Variants in NSMAF observed in about 807,000 individuals in gnomAD.
NSMAF encodes neutral sphingomyelinase activation associated factor, also known as protein FAN.
Under a neutral mutation model 134.9 loss-of-function variants are expected in NSMAF, and 90 were observed. That is an observed-to-expected ratio of 0.67 (90% CI 0.56 to 0.79). NSMAF has a LOEUF of 0.79. Ranked by LOEUF, NSMAF falls within the 30% of genes least tolerant of loss-of-function variation. The pLI is 0.00. For synonymous variants in NSMAF, 358 were observed against 389.6 expected, an observed-to-expected ratio of 0.92 and a Z score of 0.96; for missense variants, 1,010 against 1,119.0, an observed-to-expected ratio of 0.90 and a Z score of 1.39.
rs1268349006 is a variant in NSMAF at position 58,635,359 on chromosome 8, T to G, written c.242A>C (p.Asp81Ala). Residue 81 changes from aspartate (D) to alanine (A), a missense_variant, in exon 4 of 31, where the codon GAC (aspartate) becomes GCC (alanine). Coordinates refer to ENST00000038176, the MANE Select transcript of NSMAF (RefSeq NM_003580.4). ...TCCATGCTTTCCTATTTTTATACAG[T>G]CTCTCAAAGGAATCTGGATAAAATT... ...SQPIIKIPLR[D>A]CIKIGKHGEN... 2 of 1,605,852 alleles carry G rather than the reference T, an allele frequency of 1.2e-6. No homozygotes were observed. Among genetic ancestry groups the G allele is most frequent in the Non-Finnish European group, 1.7e-6 (2 of 1,176,992 alleles).
In NSMAF at chr8:58,631,551, G is replaced by T; in HGVS notation, c.334-5C>A. The T allele has an allele frequency of 7.0e-7, 1 of 1,437,216 alleles. No homozygotes were observed. The highest frequency in any genetic ancestry group is 9.5e-7 in the Non-Finnish European group (1 of 1,053,300). 89.0% of individuals were successfully genotyped at this position (1,437,216 alleles called of 1,614,324 possible). On this transcript the variant is annotated splice_region_variant and splice_polypyrimidine_tract_variant and intron_variant, in intron 5 of 30. Transcript: ENST00000038176. ...ATGTTCTTTAATGAAATATACCTGA[G>T]CAAGAAAAAGCAATACTTGTAAAAT...
chr8:58,585,618 A>G (rs764910712), intron 30 of NSMAF, 34 bp downstream of exon 30: 20 of 1,449,910 alleles, frequency 1.4e-5, no homozygotes, highest in Admixed American at 8.4e-5. Flanking sequence ...TTATCTTGAG[A>G]ACAAAGATCA....
intron 6 of NSMAF, among the ~76,000 whole-genome samples, chr8:58,631,007 T>C (rs1807046410): frequency 6.6e-6 from 1 of 152,172 alleles, no homozygotes; most frequent in African/African-American, 2.4e-5. Flanking sequence ...AATAGTTAAA[T>C]GAAATGTCTA....
rs1040428682 is a variant in NSMAF, at chr8:58,585,595, A to G, written c.2659+57T>C. 3.5e-5 allele frequency: 43 copies of G among 1,246,226 alleles called. No individual in the cohort carries two copies. The Admixed American group carries it at 7.5e-4, about 22-fold the overall frequency. The allele number at this position is 1,246,226 out of a possible 1,614,324, so 77.2% of individuals were successfully genotyped here. On this transcript the variant is annotated intron_variant, in intron 30 of 30. Transcript: ENST00000038176. ...GAGTATGTTCCCTGATGGAAAAGGC[A>G]GGCTTGAGTTCATTATCTTGAGAAC...
chr8:58,590,035 C>T lies in NSMAF; in HGVS notation c.2059G>A (p.Val687Ile). The T allele has an allele frequency of 6.2e-7, 1 of 1,614,026 alleles. No individual in the cohort carries two copies. Among genetic ancestry groups the T allele is most frequent in the Non-Finnish European group, 8.5e-7 (1 of 1,179,862 alleles). ...TTATTATCCCATGAAGAAGTTATGACAGTGGCATCTCCTGGTAAAAGTAAA... is the reference window on the plus strand; with the variant it reads ...TTATTATCCCATGAAGAAGTTATGATAGTGGCATCTCCTGGTAAAAGTAAA... Reference protein sequence around the residue: ...SCLLLPGDATVITSSWDNNVY... With the variant: ...SCLLLPGDATIITSSWDNNVY... Residue 687 changes from valine to isoleucine, a missense_variant, in exon 25 of 31, where the codon GTC becomes ATC. Coordinates refer to ENST00000038176, the MANE Select transcript of NSMAF (RefSeq NM_003580.4).
chr8:58,583,785 C>G lies in NSMAF; in HGVS notation c.*321G>C. On this transcript the variant is annotated 3_prime_UTR_variant, in exon 31 of 31. Coordinates refer to ENST00000038176, the MANE Select transcript of NSMAF (RefSeq NM_003580.4). ...TTCTTAATTGTTCAGTGCTTTCTGACAAGTTTCCCCAGCCCAATTTATCTC... is the reference window on the plus strand; with the variant it reads ...TTCTTAATTGTTCAGTGCTTTCTGAGAAGTTTCCCCAGCCCAATTTATCTC... The G allele has an allele frequency of 3.4e-6, 1 of 290,972 alleles. No homozygotes were observed. The highest frequency in any genetic ancestry group is 6.5e-6 in the Non-Finnish European group (1 of 154,424). 18.0% of individuals were successfully genotyped at this position (290,972 alleles called of 1,614,324 possible).
intron 1 of NSMAF, among the ~76,000 whole-genome samples, chr8:58,656,234 C>A (rs1807707450): frequency 6.6e-6 from 1 of 151,936 alleles, no homozygotes; most frequent in Non-Finnish European, 1.5e-5. Context: ...GAACTCCTCA[C>A]CTCGTGATCT....
rs186870667 is a variant in NSMAF at position 58,594,209 on chromosome 8, G to A, written c.1951+23C>T. On this transcript the variant is annotated intron_variant, in intron 23 of 30. Transcript: ENST00000038176. ...GACATTCTAGGATTTTGGTTAAGCCGCCTTTCGGGGAGGAACACTGACCTT... is the reference window on the plus strand; with the variant it reads ...GACATTCTAGGATTTTGGTTAAGCCACCTTTCGGGGAGGAACACTGACCTT... 1.5e-4 allele frequency: 236 copies of A among 1,611,748 alleles called. 1 individual carries two copies. The African/African-American group carries it at 2.7e-3, about 18-fold the overall frequency.
At chr8:58,600,904 A>C (rs373340694) in intron 16 of NSMAF, among the ~76,000 whole-genome samples, 1 of 152,154 alleles carries the variant, frequency 6.6e-6, no homozygotes, top group African/African-American at 2.4e-5. Flanking sequence ...AAAATTATCA[A>C]GAATAATAAA....
At chr8:58,658,511 A>G (rs1807772834) in intron 1 of NSMAF, among the ~76,000 whole-genome samples, 1 of 152,242 alleles carries the variant, frequency 6.6e-6, no homozygotes, top group South Asian at 2.1e-4. Flanking sequence ...CAACCCTTAT[A>G]AAACAAGTGT....
At chr8:58,653,260 G>A (rs2129148755) in intron 1 of NSMAF, among the ~76,000 whole-genome samples, 2 of 152,184 alleles carry the variant, frequency 1.3e-5, no homozygotes, top group East Asian at 3.9e-4. Context: ...GAGCAAGGGG[G>A]CCTTATTTAA....
chr8:58,653,812 TAA>T (rs996984824), intron 1 of NSMAF, among the ~76,000 whole-genome samples: 2 of 152,138 alleles, frequency 1.3e-5, no homozygotes, highest in African/African-American at 4.8e-5. Flanking sequence ...TATATCACAC[TAA>T]AAAAATTTTT....
At position 58,595,673 on chromosome 8, in the gene NSMAF, A is replaced by G. The variant is rs906983081; in HGVS notation, c.1793-14T>C. The stretch of plus-strand genomic sequence containing the variant: ...AAGACTCTTCACCTGGAGAGACGAC[A>G]TTAAATTTTTGCTAAGTCAACTAAG... On this transcript the variant is annotated splice_polypyrimidine_tract_variant and intron_variant, in intron 21 of 30. Transcript: ENST00000038176. The G allele has an allele frequency of 6.3e-7, 1 of 1,580,472 alleles. No individual in the cohort carries two copies. The highest frequency in any genetic ancestry group is 1.4e-5 in the African/African-American group (1 of 73,796).
intron 9 of NSMAF, among the ~76,000 whole-genome samples, chr8:58,615,173 A>G (rs1352577521): frequency 2.0e-5 from 3 of 152,254 alleles, no homozygotes; most frequent in African/African-American, 7.2e-5. Flanking sequence ...TATGAATCTA[A>G]TAACAGAGCT....
intron 23 of NSMAF, among the ~76,000 whole-genome samples, chr8:58,593,228 A>G (rs1806059688): frequency 1.3e-5 from 2 of 152,244 alleles, no homozygotes; most frequent in African/African-American, 4.8e-5. Context: ...GGCATGGCCC[A>G]GTTTGGGAAC....
intron 9 of NSMAF, among the ~76,000 whole-genome samples, chr8:58,615,379 C>T (rs1332071382): frequency 6.6e-6 from 1 of 152,196 alleles, no homozygotes; most frequent in Non-Finnish European, 1.5e-5. Flanking sequence ...AGCTGCAGAG[C>T]TCACATTCCT....
chr8:58,624,815 C>A (rs978509062), intron 6 of NSMAF, among the ~76,000 whole-genome samples: 1 of 152,174 alleles, frequency 6.6e-6, no homozygotes, highest in Admixed American at 6.5e-5. Context: ...CCTATCTGAA[C>A]GTTCTACCCA....
chr8:58,638,717 C>T (rs1807259855), intron 2 of NSMAF, among the ~76,000 whole-genome samples: 1 of 152,006 alleles, frequency 6.6e-6, no homozygotes, highest in African/African-American at 2.4e-5. Context: ...TTGGTCTGGG[C>T]AGTATTTTGG....
At position 58,597,406 on chromosome 8, in the gene NSMAF, A is replaced by T. The variant is rs746291985; in HGVS notation, c.1773T>A (p.Ala591=). 6.2e-7 allele frequency: 1 copy of T among 1,614,028 alleles called. No individual in the cohort carries two copies. Among genetic ancestry groups the T allele is most frequent in the Admixed American group, 1.7e-5 (1 of 59,988 alleles). ...ATTTACCTGGGGAATCTGCCATAGA[A>T]GCATTATAACTGGAGGTCTGGGACA... The part of the protein sequence containing the change: ...KSLSQTSSYN[A]SMADSPGEES... Residue 591 remains alanine (A), a synonymous_variant, in exon 21 of 31, where the codon GCT becomes GCA. Coordinates refer to ENST00000038176, the MANE Select transcript of NSMAF (RefSeq NM_003580.4).
Sources: allele counts gnomAD v4.1 joint callset (sites outside exome capture counted in the v4.1 genomes callset), GRCh38; gene constraint gnomAD v4.1.1; transcripts MANE v1.5; gene names NCBI Gene and HGNC (gene_info 2026-07-23, HGNC 2026-07-21).